The following MPP1 variants were observed in gnomAD, a reference collection of about 807,000 sequenced individuals.
MPP1 encodes 55 kDa erythrocyte membrane protein.
MPP1 carries 6 observed loss-of-function variants against 38.2 expected under a neutral mutation model. That is an observed-to-expected ratio of 0.16 (90% CI 0.09 to 0.31). The LOEUF (loss-of-function observed/expected upper bound fraction) is 0.31, where lower values mean the gene tolerates loss of function less well. MPP1 is among the 10% of genes least tolerant of loss of function. The pLI, the probability that MPP1 is intolerant of heterozygous loss-of-function variation, is 1.00. For synonymous variants in MPP1, 153 were observed against 146.3 expected, an observed-to-expected ratio of 1.05 and a Z score of -0.33; for missense variants, 293 against 368.9, an observed-to-expected ratio of 0.79 and a Z score of 1.69.
intron 1 of MPP1, 200 bp from the exon 2 acceptor site, chrX:154,792,485 G>A (rs1318765535): frequency 1.2e-5 from 5 of 420,839 alleles, no homozygotes; most frequent in African/African-American, 1.0e-4. Context: ...GTGTGGTGGT[G>A]TGCACCTGTA....
intron 1 of MPP1, among the ~76,000 whole-genome samples, chrX:154,800,607 T>A (rs1184824934): frequency 8.9e-6 from 1 of 112,629 alleles, no homozygotes; most frequent in Non-Finnish European, 1.9e-5. Context: ...GCCGGAGCTG[T>A]GTGCAAATAA....
At chrX:154,803,898 T>C (rs1557268891) in intron 1 of MPP1, among the ~76,000 whole-genome samples, 1 of 112,223 alleles carries the variant, frequency 8.9e-6, no homozygotes, top group Non-Finnish European at 1.9e-5. Flanking sequence ...GTACTGATTG[T>C]GGGGAAGAAA....
At chrX:154,780,571 G>A (rs1266785241) in intron 11 of MPP1, among the ~76,000 whole-genome samples, 1 of 112,498 alleles carries the variant, frequency 8.9e-6, no homozygotes, top group African/African-American at 3.3e-5. Context: ...GGTGGTTGGC[G>A]GTCCCTGTCC....
chrX:154,782,828 G>A (rs1334803118), intron 9 of MPP1: 5 of 112,273 alleles, frequency 4.5e-5, no homozygotes, highest in Non-Finnish European at 7.5e-5. Context: ...CACAGTCTTC[G>A]AAGAGCCTAT....
chrX:154,787,029 T>C lies in MPP1; in HGVS notation c.481-629A>G, dbSNP rs188798756. On this transcript the variant is annotated intron_variant, in intron 5 of 11. Coordinates refer to ENST00000369534, the MANE Select transcript of MPP1 (RefSeq NM_002436.4). ...ACTCTTTGAACAACTGTTTTCACAA[T>C]TGAAAATATGGACACTCATATCTAT... is the stretch of plus-strand genomic sequence containing the variant. Among the ~76,000 whole-genome samples the C allele has an allele frequency of 2.4e-4, 26 of 108,518 alleles. No homozygotes were observed. In the East Asian group the frequency reaches 6.7e-3, roughly 28 times the overall value. 94.2% of individuals were successfully genotyped at this position (108,518 alleles called of 115,157 possible).
intron 1 of MPP1, among the ~76,000 whole-genome samples, chrX:154,796,118 C>CCTTTT (rs1303285580): frequency 9.8e-6 from 1 of 101,835 alleles, no homozygotes; most frequent in African/African-American, 3.6e-5. Context: ...TGTTTTTTTT[C>CCTTTT]CTTTTCTTTT....
chrX:154,795,621 C>T (rs782025760), intron 1 of MPP1, among the ~76,000 whole-genome samples: 49 of 110,552 alleles, frequency 4.4e-4, no homozygotes, highest in Non-Finnish European at 7.4e-4. Context: ...AAAAATTAGC[C>T]GGGCATGGTG....
chrX:154,791,117 G>A (rs782396341), intron 3 of MPP1, 49 bp from the exon 4 acceptor site: 35 of 1,066,467 alleles, frequency 3.3e-5, no homozygotes, highest in Non-Finnish European at 3.0e-5. Flanking sequence ...AGTTCAAACA[G>A]GAGCTGTCAA....
intron 5 of MPP1, among the ~76,000 whole-genome samples, chrX:154,787,102 ACACACACACAC>A (rs2072086488): frequency 1.1e-4 from 1 of 8,703 alleles, no homozygotes; most frequent in Non-Finnish European, 4.7e-4. Flanking sequence ...CTGCTCCCAA[ACACACACACAC>A]ACACACACAC....
rs782601340 is a variant in MPP1 at position 154,785,100 on chromosome X, A to G, written c.735T>C (p.Phe245=). Reference sequence around the variant, plus strand: ...TGTCTTTGTACTTCTTCTTCTTCCCAAAGGGACTGCAGCTCGGGGCTTCGC... The same window carrying G: ...TGTCTTTGTACTTCTTCTTCTTCCCGAAGGGACTGCAGCTCGGGGCTTCGC... ...APSEAPSCSP[F]GKKKKYKDKY... Residue 245 remains phenylalanine (F), a synonymous_variant, in exon 7 of 12, where the codon TTT becomes TTC. Transcript: ENST00000369534. The G allele has an allele frequency of 1.3e-5, 16 of 1,210,778 alleles. No individual in the cohort carries two copies. The highest frequency in any genetic ancestry group is 1.5e-5 in the Non-Finnish European group (13 of 895,139).
intron 1 of MPP1, among the ~76,000 whole-genome samples, chrX:154,794,954 T>A (rs1176653065): frequency 9.0e-6 from 1 of 110,922 alleles, no homozygotes; most frequent in African/African-American, 3.3e-5. Flanking sequence ...ATTTTAAAAT[T>A]AGCTGAGTGT....
intron 5 of MPP1, among the ~76,000 whole-genome samples, chrX:154,786,956 C>T (rs1023230764): frequency 7.5e-5 from 8 of 106,737 alleles, no homozygotes; most frequent in African/African-American, 2.7e-4. Context: ...GTCAACGTGT[C>T]CACAGTTACT....
rs782184875 is a variant in MPP1 at position 154,785,115 on chromosome X, C to T, written c.720G>A (p.Pro240=). Reference sequence around the variant, plus strand: ...TCTTCTTCCCAAAGGGACTGCAGCTCGGGGCTTCGCTAGGAGCTGACTGAG... The same window carrying T: ...TCTTCTTCCCAAAGGGACTGCAGCTTGGGGCTTCGCTAGGAGCTGACTGAG... ...SMAQSAPSEA[P]SCSPFGKKKK... Residue 240 remains proline (P), a synonymous_variant, in exon 7 of 12, where the codon CCG becomes CCA. Coordinates refer to ENST00000369534, the MANE Select transcript of MPP1 (RefSeq NM_002436.4). 56 of 1,209,799 alleles carry T rather than the reference C, an allele frequency of 4.6e-5. No individual in the cohort carries two copies. Among genetic ancestry groups the T allele is most frequent in the Middle Eastern group, 2.3e-4 (1 of 4,328 alleles).
intron 1 of MPP1, among the ~76,000 whole-genome samples, chrX:154,804,354 C>T (rs1205772721): frequency 1.8e-5 from 2 of 111,963 alleles, no homozygotes; most frequent in Admixed American, 1.9e-4. Context: ...GAGTATGACA[C>T]GGCCCTGCCC....
At position 154,784,096 on chromosome X, in the gene MPP1, A is replaced by G; in HGVS notation, c.797T>C (p.Leu266Ser). The G allele has an allele frequency of 8.3e-7, 1 of 1,207,329 alleles. No homozygotes were observed. The highest frequency in any genetic ancestry group is 1.1e-6 in the Non-Finnish European group (1 of 892,735). ...LAKHSSIFDQLDVVSYEEVVR... is the reference protein window; with the variant it reads ...LAKHSSIFDQSDVVSYEEVVR... Reference sequence around the variant, plus strand: ...GACTTCCTCGTAGGAAACAACATCCAACTGATCAAAAACTAGAGACAAAGA... The same window carrying G: ...GACTTCCTCGTAGGAAACAACATCCGACTGATCAAAAACTAGAGACAAAGA... The change falls in exon 8 of 12, where the codon TTG (leucine) becomes TCG (serine). Residue 266 changes from leucine (L) to serine (S), a missense_variant. Leu to Ser is a moderately radical substitution (Grantham distance 145, BLOSUM62 -2). Coordinates refer to ENST00000369534, the MANE Select transcript of MPP1 (RefSeq NM_002436.4).
intron 1 of MPP1, among the ~76,000 whole-genome samples, chrX:154,804,311 C>T (rs1432232123): frequency 8.9e-6 from 1 of 111,974 alleles, no homozygotes; most frequent in Non-Finnish European, 1.9e-5. Context: ...GCAAACATTT[C>T]TGAGGACCCA....
intron 9 of MPP1, chrX:154,782,736 C>T (rs782169845): frequency 1.4e-3 from 162 of 112,629 alleles, no homozygotes; most frequent in African/African-American, 4.8e-3. Context: ...CGTTGACTAA[C>T]ATGGTTTAGT....
At chrX:154,781,033 C>G (rs994754106) in intron 11 of MPP1, among the ~76,000 whole-genome samples, 1 of 111,739 alleles carries the variant, frequency 8.9e-6, no homozygotes, top group Non-Finnish European at 1.9e-5. Flanking sequence ...TGTTTTGTCC[C>G]TGTTAGGTAG....
intron 1 of MPP1, among the ~76,000 whole-genome samples, chrX:154,801,366 A>G (rs1334399383): frequency 9.0e-6 from 1 of 111,395 alleles, no homozygotes; most frequent in Non-Finnish European, 1.9e-5. Flanking sequence ...ATGAGTTAGA[A>G]AAGAATAGAA....
Sources: gnomAD v4.1 joint callset for allele counts (sites outside exome capture counted in the v4.1 genomes callset) on GRCh38, gnomAD v4.1.1 for gene constraint, MANE v1.5 for transcripts, NCBI Gene and HGNC (gene_info 2026-07-23, HGNC 2026-07-21) for gene names.